The following TRPM3 variants were observed in gnomAD, a reference collection of about 807,000 sequenced individuals.
TRPM3 encodes the protein long transient receptor potential channel 3.
In TRPM3, 77 loss-of-function variants were observed where a neutral mutation model predicts 181.2. The observed-to-expected ratio is 0.42, with a 90% CI of 0.35 to 0.51. The LOEUF (loss-of-function observed/expected upper bound fraction) is 0.51. Ranked by LOEUF, TRPM3 falls within the 20% of genes least tolerant of loss-of-function variation. TRPM3 has a pLI of 0.01. For missense variants in TRPM3, 1,759 were observed against 2,196.7 expected (o/e 0.80, Z 3.98); for synonymous variants, 745 against 796.4 (o/e 0.94, Z 1.09).
intron 7 of TRPM3, among the ~76,000 whole-genome samples, chr9:70,768,979 A>G (rs542892711): frequency 6.6e-6 from 1 of 152,294 alleles, no homozygotes; most frequent in African/African-American, 2.4e-5. Context: ...CTCATTCTCT[A>G]TCTACTTTGG....
At chr9:71,420,789 G>GAGAGAGAAAGAA (rs778726362) in intron 1 of TRPM3, among the ~76,000 whole-genome samples, 5 of 44,086 alleles carry the variant, frequency 1.1e-4, no homozygotes, top group South Asian at 8.5e-4. Flanking sequence ...GAGAGAGAAA[G>GAGAGAGAAAGAA]AGAGAGAAAG....
intron 3 of TRPM3, among the ~76,000 whole-genome samples, chr9:70,855,291 C>T (rs563685537): frequency 1.0e-3 from 152 of 152,302 alleles, no homozygotes; most frequent in African/African-American, 3.3e-3. Flanking sequence ...ATAGAACAGA[C>T]GGGCTGTTTC....
chr9:71,397,906 T>C (rs887146095), intron 1 of TRPM3, among the ~76,000 whole-genome samples: 1 of 151,802 alleles, frequency 6.6e-6, no homozygotes, highest in Non-Finnish European at 1.5e-5. Context: ...CTGACAAATA[T>C]AATGGACTTT....
At chr9:71,271,628 G>A (rs1315269837) in intron 1 of TRPM3, among the ~76,000 whole-genome samples, 13 of 142,688 alleles carry the variant, frequency 9.1e-5, no homozygotes, top group Non-Finnish European at 1.7e-4. Context: ...AGAAGAAGAA[G>A]AAAAAAAAAA....
At chr9:70,767,152 C>T (rs1350101056) in intron 7 of TRPM3, among the ~76,000 whole-genome samples, 9 of 152,196 alleles carry the variant, frequency 5.9e-5, no homozygotes, top group African/African-American at 1.4e-4. Context: ...TAACAGTGCT[C>T]TGCACATCTG....
At chr9:70,963,983 G>T (rs1445953844) in intron 1 of TRPM3, among the ~76,000 whole-genome samples, 1 of 151,904 alleles carries the variant, frequency 6.6e-6, no homozygotes, top group Admixed American at 6.6e-5. Context: ...TTCTTCTTTT[G>T]GCTAGGGAGG....
At chr9:71,146,445 T>C (rs1297569854) in intron 1 of TRPM3, among the ~76,000 whole-genome samples, 1 of 152,134 alleles carries the variant, frequency 6.6e-6, no homozygotes, top group East Asian at 1.9e-4. Flanking sequence ...TGAGATTCTG[T>C]TTCCTAACAC....
At chr9:71,439,225 T>A (rs994405178) in intron 1 of TRPM3, among the ~76,000 whole-genome samples, 20 of 152,192 alleles carry the variant, frequency 1.3e-4, no homozygotes, top group African/African-American at 4.6e-4. Flanking sequence ...CATTACATCA[T>A]GGATATGATC....
chr9:70,946,738 C>G (rs749806471), intron 1 of TRPM3, among the ~76,000 whole-genome samples: 4 of 152,080 alleles, frequency 2.6e-5, no homozygotes, highest in Admixed American at 2.6e-4. Flanking sequence ...TAATGCCCCC[C>G]ACCTGGTCCC....
At chr9:70,593,027 GC>G (rs1381700809) in intron 21 of TRPM3, among the ~76,000 whole-genome samples, 1 of 152,164 alleles carries the variant, frequency 6.6e-6, no homozygotes, top group Non-Finnish European at 1.5e-5. Context: ...ACTGTGCCCG[GC>G]CACGATTTTG....
At chr9:70,689,819 T>C (rs2067999738) in intron 8 of TRPM3, among the ~76,000 whole-genome samples, 1 of 152,238 alleles carries the variant, frequency 6.6e-6, no homozygotes, top group Admixed American at 6.5e-5. Flanking sequence ...GAAAAGAGTT[T>C]GGTTCATTTT....
At chr9:71,095,816 A>C (rs1292470796) in intron 1 of TRPM3, among the ~76,000 whole-genome samples, 11 of 151,648 alleles carry the variant, frequency 7.3e-5, no homozygotes. Flanking sequence ...AGAGAGAGAG[A>C]CTGACAAAAT....
chr9:70,555,380 T>A (rs2047427445), intron 22 of TRPM3, among the ~76,000 whole-genome samples: 1 of 152,204 alleles, frequency 6.6e-6, no homozygotes, highest in Admixed American at 6.5e-5. Flanking sequence ...AGTTTATTCG[T>A]CTGTATTCCA....
At chr9:71,184,713 G>C (rs1427352566) in intron 1 of TRPM3, among the ~76,000 whole-genome samples, 1 of 152,026 alleles carries the variant, frequency 6.6e-6, no homozygotes, top group African/African-American at 2.4e-5. Context: ...CTTCTGTCTT[G>C]TTGCCCCATT....
At chr9:71,349,040 G>A (rs2091454997) in intron 1 of TRPM3, among the ~76,000 whole-genome samples, 1 of 152,128 alleles carries the variant, frequency 6.6e-6, no homozygotes, top group Non-Finnish European at 1.5e-5. Context: ...CCCCCTTCCT[G>A]GGCTTCAAGT....
intron 8 of TRPM3, among the ~76,000 whole-genome samples, chr9:70,737,770 T>G (rs1284989867): frequency 6.6e-6 from 1 of 151,834 alleles, no homozygotes; most frequent in Non-Finnish European, 1.5e-5. Flanking sequence ...GTTAAAAAAT[T>G]CAAAGAGGGA....
At chr9:71,100,154 G>A (rs1215263724) in intron 1 of TRPM3, among the ~76,000 whole-genome samples, 1 of 151,968 alleles carries the variant, frequency 6.6e-6, no homozygotes, top group African/African-American at 2.4e-5. Flanking sequence ...CTGATTTTTA[G>A]ATCTCAAATT....
At chr9:70,960,577 G>A (rs1339634307) in intron 1 of TRPM3, among the ~76,000 whole-genome samples, 1 of 152,134 alleles carries the variant, frequency 6.6e-6, no homozygotes, top group Non-Finnish European at 1.5e-5. Context: ...CGATGTTGTA[G>A]CAGGAATACT....
intron 11 of TRPM3, among the ~76,000 whole-genome samples, chr9:70,636,919 C>A (rs2057306890): frequency 6.6e-6 from 1 of 152,148 alleles, no homozygotes; most frequent in Non-Finnish European, 1.5e-5. Flanking sequence ...AACTCCTGAC[C>A]TCAAGTGATC....
Sources: gnomAD v4.1 joint callset for allele counts (sites outside exome capture counted in the v4.1 genomes callset) on GRCh38, gnomAD v4.1.1 for gene constraint, MANE v1.5 for transcripts, NCBI Gene and HGNC (gene_info 2026-07-23, HGNC 2026-07-21) for gene names.